The following PTPN12 variants were observed in gnomAD, a reference collection of about 807,000 sequenced individuals.
The protein encoded by PTPN12 is tyrosine-protein phosphatase non-receptor type 12.
A neutral mutation model predicts 97.6 loss-of-function variants in PTPN12; 29 were observed. The observed-to-expected ratio is 0.30, with a 90% CI of 0.22 to 0.41. The LOEUF (loss-of-function observed/expected upper bound fraction) is 0.41, where lower values mean the gene tolerates loss of function less well. PTPN12 is among the 10% of genes least tolerant of loss of function. PTPN12 has a pLI of 1.00. For missense variants in PTPN12, 819 were observed against 926.0 expected (o/e 0.88, Z 1.50); for synonymous variants, 327 against 300.4 (o/e 1.09, Z -0.91).
At chr7:77,547,309 CT>C (rs1314403307) in intron 1 of PTPN12, among the ~76,000 whole-genome samples, 1 of 152,088 alleles carries the variant, frequency 6.6e-6, no homozygotes, top group Non-Finnish European at 1.5e-5. Context: ...CTGAACAGAC[CT>C]GTGAGAAGCA....
At chr7:77,571,577 T>A (rs888854467) in intron 2 of PTPN12, among the ~76,000 whole-genome samples, 4 of 152,252 alleles carry the variant, frequency 2.6e-5, no homozygotes, top group Non-Finnish European at 2.9e-5. Context: ...TGATTAATTA[T>A]GCATGAGAAA....
intron 1 of PTPN12, among the ~76,000 whole-genome samples, chr7:77,562,211 G>T (rs567501047): frequency 6.6e-6 from 1 of 151,958 alleles, no homozygotes; most frequent in Non-Finnish European, 1.5e-5. Context: ...ATGCCACCAC[G>T]CCCAGCTAAT....
intron 11 of PTPN12, among the ~76,000 whole-genome samples, chr7:77,617,968 A>G (rs1788808556): frequency 6.6e-6 from 1 of 152,196 alleles, no homozygotes; most frequent in African/African-American, 2.4e-5. Context: ...AGAGCACTCC[A>G]CATAGTGACA....
At chr7:77,546,459 A>AT (rs1807224139) in intron 1 of PTPN12, among the ~76,000 whole-genome samples, 1 of 152,158 alleles carries the variant, frequency 6.6e-6, no homozygotes, top group African/African-American at 2.4e-5. Context: ...AGCATTTTAT[A>AT]TTTCCTGTAG....
intron 8 of PTPN12, among the ~76,000 whole-genome samples, chr7:77,603,883 CTTTTTTTTTT>C (rs773037726): frequency 2.3e-5 from 2 of 87,870 alleles, no homozygotes; most frequent in Non-Finnish European, 4.2e-5. Flanking sequence ...TTTTTGTTTG[CTTTTTTTTTT>C]TTTTTTTTTT....
chr7:77,635,686 TC>T, intron 14 of PTPN12, 95 bp from the exon 15 acceptor site: 1 of 696,476 alleles, frequency 1.4e-6, no homozygotes, highest in South Asian at 4.2e-5. Flanking sequence ...AGCGATAGTT[TC>T]TAAAATCTTT....
intron 1 of PTPN12, among the ~76,000 whole-genome samples, chr7:77,570,400 A>G (rs551106488): frequency 1.3e-5 from 2 of 152,348 alleles, no homozygotes; most frequent in East Asian, 1.9e-4. Flanking sequence ...AATTTCAGCA[A>G]TGTAGTTGTG....
Position 77,553,480 on chromosome 7 carries a change from A to T in PTPN12, c.99+15835A>T, listed in dbSNP as rs139218627. On this transcript the variant is annotated intron_variant, in intron 1 of 17. Transcript: ENST00000248594. ...ATATTTTTATGCACAATTGTTAGACACATATGGATTAAGGATTATGCTGTC... is the reference window on the plus strand; with the variant it reads ...ATATTTTTATGCACAATTGTTAGACTCATATGGATTAAGGATTATGCTGTC... Among the ~76,000 whole-genome samples, 8 of 152,334 alleles carry T rather than the reference A, an allele frequency of 5.3e-5. No individual in the cohort carries two copies. The East Asian group carries it at 1.3e-3, about 26-fold the overall frequency.
chr7:77,622,382 G>A (rs1157672796), intron 12 of PTPN12, among the ~76,000 whole-genome samples: 2 of 152,062 alleles, frequency 1.3e-5, no homozygotes, highest in Non-Finnish European at 2.9e-5. Flanking sequence ...AAAGATGGGG[G>A]AAAAAAGAAA....
chr7:77,558,086 G>T (rs1047318084), intron 1 of PTPN12, among the ~76,000 whole-genome samples: 1 of 150,984 alleles, frequency 6.6e-6, no homozygotes, highest in Non-Finnish European at 1.5e-5. Context: ...TGGTGGGCGC[G>T]TGTAATCCCA....
At chr7:77,597,710 A>G in intron 6 of PTPN12, 132 bp from the exon 7 acceptor site, 2 of 1,182,432 alleles carry the variant, frequency 1.7e-6, no homozygotes, top group Non-Finnish European at 2.2e-6. Context: ...ATTTTTTTAT[A>G]ATTATCAGGT....
chr7:77,604,877 A>G (rs1449626168), intron 8 of PTPN12: 2 of 434,878 alleles, frequency 4.6e-6, no homozygotes, highest in Non-Finnish European at 4.7e-6. Flanking sequence ...CTTCATTGAT[A>G]GCTAACTTCT....
chr7:77,607,670 C>T (rs1788420424), intron 9 of PTPN12, among the ~76,000 whole-genome samples: 1 of 151,968 alleles, frequency 6.6e-6, no homozygotes. Flanking sequence ...AACAATGTGA[C>T]AGTGTTCTAG....
At chr7:77,548,070 G>C (rs139919588) in intron 1 of PTPN12, among the ~76,000 whole-genome samples, 8 of 152,206 alleles carry the variant, frequency 5.3e-5, no homozygotes, top group African/African-American at 1.7e-4. Context: ...CTTGTCACAT[G>C]GTAAATGTTC....
At chr7:77,564,744 G>GTTTTTTTTTTTTT (rs1329627463) in intron 1 of PTPN12, among the ~76,000 whole-genome samples, 3 of 34,360 alleles carry the variant, frequency 8.7e-5, no homozygotes, top group East Asian at 1.3e-3. Flanking sequence ...TTTTGTTGTC[G>GTTTTTTTTTTTTT]TGTTTTTTTT....
intron 1 of PTPN12, among the ~76,000 whole-genome samples, chr7:77,541,004 A>G (rs1258833309): frequency 6.6e-6 from 1 of 152,196 alleles, no homozygotes; most frequent in African/African-American, 2.4e-5. Context: ...ACTGGTGATG[A>G]TGCTCTTTTC....
chr7:77,626,248 T>C (rs1019097848), intron 12 of PTPN12, among the ~76,000 whole-genome samples: 2 of 152,170 alleles, frequency 1.3e-5, no homozygotes, highest in Non-Finnish European at 2.9e-5. Flanking sequence ...AATCATGGTG[T>C]CATAGATGGG....
intron 1 of PTPN12, among the ~76,000 whole-genome samples, chr7:77,552,112 A>T (rs889709983): frequency 6.6e-6 from 1 of 152,208 alleles, no homozygotes; most frequent in Non-Finnish European, 1.5e-5. Context: ...TTTAGATAGA[A>T]GATTATTAAA....
intron 8 of PTPN12, chr7:77,606,936 T>G (rs1356638437): frequency 5.2e-6 from 1 of 192,484 alleles, no homozygotes; most frequent in Non-Finnish European, 1.1e-5. Flanking sequence ...TAGATTGTTA[T>G]AATTGTTCTA....
Sources: gnomAD v4.1 joint callset for allele counts (sites outside exome capture counted in the v4.1 genomes callset) on GRCh38, gnomAD v4.1.1 for gene constraint, MANE v1.5 for transcripts, NCBI Gene and HGNC (gene_info 2026-07-23, HGNC 2026-07-21) for gene names.